NR2F1-AS1: variants seen among roughly 807,000 people sequenced by gnomAD.
NR2F1-AS1 encodes NR2F1 antisense RNA 1.
intron 4 of NR2F1-AS1, among the ~76,000 whole-genome samples, chr5:93,451,469 C>G (rs1749828754): frequency 6.6e-6 from 1 of 152,094 alleles, no homozygotes; most frequent in African/African-American, 2.4e-5. Context: ...GCAGTGCCAT[C>G]ATGGTTCACT....
intron 4 of NR2F1-AS1, among the ~76,000 whole-genome samples, chr5:93,457,057 C>T (rs550542998): frequency 5.5e-4 from 84 of 152,168 alleles, no homozygotes; most frequent in Non-Finnish European, 1.0e-3. Context: ...TACACCCAGA[C>T]ATTCTATTGC....
At chr5:93,443,393 G>A (rs555256359) in intron 4 of NR2F1-AS1, among the ~76,000 whole-genome samples, 1 of 152,100 alleles carries the variant, frequency 6.6e-6, no homozygotes, top group Non-Finnish European at 1.5e-5. Flanking sequence ...CGAGAATTAC[G>A]GGACGCATGT....
At chr5:93,571,220 G>A (rs1389918877) in intron 1 of NR2F1-AS1, 1 of 152,070 alleles carries the variant, frequency 6.6e-6, no homozygotes, top group East Asian at 1.9e-4. Context: ...TCCCAGCGGG[G>A]GACCTAGCGC....
intron 4 of NR2F1-AS1, among the ~76,000 whole-genome samples, chr5:93,450,023 G>C (rs1194902685): frequency 6.6e-6 from 1 of 152,176 alleles, no homozygotes; most frequent in Admixed American, 6.5e-5. Context: ...TCTGTGAGGA[G>C]ATTTTAGTGG....
At chr5:93,500,758 G>A (rs907084612) in intron 4 of NR2F1-AS1, among the ~76,000 whole-genome samples, 1 of 151,988 alleles carries the variant, frequency 6.6e-6, no homozygotes, top group African/African-American at 2.4e-5. Context: ...GTGCCTCAAA[G>A]CCTCCTGAGT....
intron 4 of NR2F1-AS1, among the ~76,000 whole-genome samples, chr5:93,441,819 C>A (rs2149852302): frequency 6.6e-6 from 1 of 150,564 alleles, no homozygotes. Context: ...TGTAGATGCT[C>A]AACAGAAGGC....
chr5:93,540,592 T>G (rs1002712898), intron 4 of NR2F1-AS1, among the ~76,000 whole-genome samples: 2 of 152,214 alleles, frequency 1.3e-5, no homozygotes, highest in Non-Finnish European at 2.9e-5. Flanking sequence ...TGCAAATAGA[T>G]AGAGGTAGTT....
intron 4 of NR2F1-AS1, among the ~76,000 whole-genome samples, chr5:93,435,755 T>C (rs1749420449): frequency 6.6e-6 from 1 of 152,210 alleles, no homozygotes; most frequent in South Asian, 2.1e-4. Context: ...GTAGTAAAAC[T>C]CCTTTGATGA....
chr5:93,522,116 G>A (rs561640418), intron 4 of NR2F1-AS1, among the ~76,000 whole-genome samples: 1 of 152,224 alleles, frequency 6.6e-6, no homozygotes, highest in East Asian at 1.9e-4. Context: ...AACAGGAAAC[G>A]AAATACCACA....
intron 4 of NR2F1-AS1, among the ~76,000 whole-genome samples, chr5:93,475,075 G>C (rs1209674629): frequency 1.4e-5 from 2 of 147,980 alleles, no homozygotes; most frequent in Admixed American, 6.8e-5. Flanking sequence ...AGTGAGCCGA[G>C]ATTGTGCCAC....
intron 4 of NR2F1-AS1, among the ~76,000 whole-genome samples, chr5:93,488,904 A>C (rs927652678): frequency 6.6e-6 from 1 of 152,196 alleles, no homozygotes; most frequent in Admixed American, 6.5e-5. Context: ...TACACCATGG[A>C]ATACTATGCA....
upstream of NR2F1-AS1, among the ~76,000 whole-genome samples, chr5:93,581,975 CCT>C (rs755899269): frequency 4.9e-4 from 50 of 102,264 alleles, no homozygotes; most frequent in South Asian, 4.8e-3. Context: ...CTCTCTCTCT[CCT>C]CTCTCTCTCT....
chr5:93,437,345 G>A (rs1749457446), intron 4 of NR2F1-AS1, among the ~76,000 whole-genome samples: 1 of 152,116 alleles, frequency 6.6e-6, no homozygotes. Flanking sequence ...TTGATTACAT[G>A]TTGAAACAAT....
At position 93,509,563 on chromosome 5, in the gene NR2F1-AS1, G is replaced by C. The variant is rs1304749912; in HGVS notation, n.638+44198C>G. On this transcript the variant is annotated intron_variant and non_coding_transcript_variant, in intron 4 of 5. Coordinates refer to ENST00000660523, the Ensembl canonical transcript of NR2F1-AS1. ...AAGAATACATACCAACTTCAGGAAA[G>C]TGGTTATCTCTGGAGAAGTAAAATG... 7.2e-5 allele frequency among the ~76,000 whole-genome samples: 11 copies of C among 152,124 alleles called. No homozygotes were observed. The East Asian group carries it at 2.1e-3, about 29-fold the overall frequency.
intron 4 of NR2F1-AS1, among the ~76,000 whole-genome samples, chr5:93,497,607 G>A (rs1750991179): frequency 6.6e-6 from 1 of 152,042 alleles, no homozygotes; most frequent in African/African-American, 2.4e-5. Flanking sequence ...TTTCTTATTA[G>A]TTGATGTATA....
intron 4 of NR2F1-AS1, among the ~76,000 whole-genome samples, chr5:93,465,584 C>T (rs1750211074): frequency 1.3e-5 from 2 of 152,084 alleles, no homozygotes; most frequent in South Asian, 4.1e-4. Flanking sequence ...GGTATATACC[C>T]AAAGGATTAT....
intron 4 of NR2F1-AS1, among the ~76,000 whole-genome samples, chr5:93,451,560 G>A (rs1311334680): frequency 3.3e-5 from 5 of 151,840 alleles, no homozygotes; most frequent in Non-Finnish European, 7.4e-5. Flanking sequence ...GTACCACCAC[G>A]CCTGGCTTAT....
At chr5:93,518,895 G>A (rs1230294318) in intron 4 of NR2F1-AS1, among the ~76,000 whole-genome samples, 1 of 151,910 alleles carries the variant, frequency 6.6e-6, no homozygotes, top group Non-Finnish European at 1.5e-5. Flanking sequence ...AGATCATCAT[G>A]GTACAGACTG....
intron 4 of NR2F1-AS1, among the ~76,000 whole-genome samples, chr5:93,506,679 T>C (rs1034987691): frequency 6.6e-6 from 1 of 152,104 alleles, no homozygotes. Flanking sequence ...TCGTGAGACT[T>C]AGTCACTATC....
Sources: allele counts gnomAD v4.1 joint callset (sites outside exome capture counted in the v4.1 genomes callset), GRCh38; gene constraint gnomAD v4.1.1; transcripts MANE v1.5; gene names NCBI Gene and HGNC (gene_info 2026-07-23, HGNC 2026-07-21).